Variants in KMT2C observed in about 807,000 individuals in gnomAD.
KMT2C encodes lysine methyltransferase 2C, also known as histone-lysine N-methyltransferase 2C.
In KMT2C, 88 loss-of-function variants were observed where a neutral mutation model predicts 507.9. That is an observed-to-expected ratio of 0.17 (90% confidence interval 0.15 to 0.21). KMT2C has a LOEUF of 0.21. KMT2C is among the 10% of genes least tolerant of loss of function. The pLI is 1.00. For missense variants in KMT2C, 4,954 were observed against 5,957.8 expected (o/e 0.83, Z 5.55); for synonymous variants, 2,049 against 2,080.8 (o/e 0.98, Z 0.42).
chr7:152,266,240 C>T (rs939920149), intron 7 of KMT2C, among the ~76,000 whole-genome samples: 16 of 151,274 alleles, frequency 1.1e-4, no homozygotes, highest in African/African-American at 3.9e-4. Flanking sequence ...AGTATATGAA[C>T]CTTTTTTTTT....
At chr7:152,272,314 C>T (rs1290851446) in intron 7 of KMT2C, among the ~76,000 whole-genome samples, 2 of 152,082 alleles carry the variant, frequency 1.3e-5, no homozygotes, top group African/African-American at 4.8e-5. Context: ...AGTAGCACTG[C>T]CATTAAGTAA....
chr7:152,243,458 CTA>C (rs1191849192), intron 14 of KMT2C, among the ~76,000 whole-genome samples: 5 of 152,048 alleles, frequency 3.3e-5, no homozygotes, highest in African/African-American at 1.2e-4. Flanking sequence ...AATACAGTAC[CTA>C]TGTTTTCATT....
chr7:152,235,975 C>T (rs183436294), intron 15 of KMT2C, 42 bp from the exon 16 acceptor site: 3 of 1,217,822 alleles, frequency 2.5e-6, no homozygotes, highest in Admixed American at 4.0e-5. Flanking sequence ...TGTGACAGAC[C>T]AAAATAATTT....
chr7:152,139,582 G>C, intron 56 of KMT2C, 93 bp downstream of exon 56: 1 of 845,576 alleles, frequency 1.2e-6, no homozygotes, highest in South Asian at 1.4e-5. Context: ...CAGCATGACA[G>C]ATTTCATTCT....
intron 6 of KMT2C, among the ~76,000 whole-genome samples, chr7:152,297,056 AGAGAGAG>A (rs2096517607): frequency 0.012 from 500 of 41,846 alleles, 1 homozygote; most frequent in East Asian, 0.022. Context: ...AAAGAAAGAC[AGAGAGAG>A]AGAGAGAGAG....
chr7:152,297,379 C>T (rs1005287178), intron 6 of KMT2C, among the ~76,000 whole-genome samples: 4 of 152,052 alleles, frequency 2.6e-5, no homozygotes, highest in Admixed American at 2.6e-4. Context: ...AGAAAAGAAC[C>T]CCAGAGGTCT....
intron 23 of KMT2C, among the ~76,000 whole-genome samples, chr7:152,212,781 C>T (rs2094484060): frequency 6.6e-6 from 1 of 152,274 alleles, no homozygotes; most frequent in South Asian, 2.1e-4. Flanking sequence ...TGGCTCACGC[C>T]TGTAATCCCA....
chr7:152,290,931 TGA>T (rs2096416535), intron 6 of KMT2C, among the ~76,000 whole-genome samples: 1 of 152,110 alleles, frequency 6.6e-6, no homozygotes, highest in African/African-American at 2.4e-5. Flanking sequence ...TAAAAGCTTA[TGA>T]GTTCAGGTAG....
chr7:152,389,572 G>C (rs567483488), intron 1 of KMT2C, among the ~76,000 whole-genome samples: 1 of 151,944 alleles, frequency 6.6e-6, no homozygotes, highest in Admixed American at 6.6e-5. Context: ...CTCCCAAGTA[G>C]CTGGGACTAC....
intron 42 of KMT2C, 32 bp downstream of exon 42, chr7:152,167,114 G>A (rs757748718): frequency 6.6e-7 from 1 of 1,503,780 alleles, no homozygotes; most frequent in Non-Finnish European, 9.2e-7. Flanking sequence ...ATTAATTGTT[G>A]GTAGTTTCTA....
chr7:152,396,482 AT>A (rs1169486993), intron 1 of KMT2C, among the ~76,000 whole-genome samples: 3 of 152,148 alleles, frequency 2.0e-5, no homozygotes, highest in Non-Finnish European at 2.9e-5. Flanking sequence ...TTTCATTTTC[AT>A]TGTAATTCTC....
intron 52 of KMT2C, among the ~76,000 whole-genome samples, chr7:152,147,273 G>T (rs1200934042): frequency 6.6e-6 from 1 of 152,010 alleles, no homozygotes; most frequent in Non-Finnish European, 1.5e-5. Flanking sequence ...CAAACTAAGT[G>T]TTTAATTTCC....
intron 1 of KMT2C, among the ~76,000 whole-genome samples, chr7:152,417,256 T>C (rs2097748669): frequency 6.6e-6 from 1 of 152,020 alleles, no homozygotes; most frequent in Non-Finnish European, 1.5e-5. Context: ...GTAGCTGGGA[T>C]TACAGGTGCC....
rs587778498 is a variant in KMT2C, at chr7:152,181,663, C to T, written c.6197G>A (p.Arg2066Gln). The change falls in exon 36 of 59, where the codon CGA becomes CAA. Residue 2066 changes from arginine to glutamine, a missense_variant. Arg to Gln is a conservative substitution (Grantham distance 43). Transcript: ENST00000262189. ...CCTTTCATAAGGGTCAACAGACAAT[C>T]GCCTTGATGCCTGTGACACTGATCC... ...PYGSVSQASR[R>Q]LSVDPYERPA... The T allele has an allele frequency of 2.5e-6, 4 of 1,613,970 alleles. No homozygotes were observed. Among genetic ancestry groups the T allele is most frequent in the South Asian group, 1.1e-5 (1 of 91,064 alleles).
intron 1 of KMT2C, among the ~76,000 whole-genome samples, chr7:152,419,479 CAAATT>C (rs572663081): frequency 7.9e-4 from 120 of 152,126 alleles, no homozygotes; most frequent in African/African-American, 2.8e-3. Flanking sequence ...ATACTACAAA[CAAATT>C]AAAGGAGATC....
chr7:152,301,855 G>A (rs1398305736), intron 6 of KMT2C, among the ~76,000 whole-genome samples: 1 of 152,156 alleles, frequency 6.6e-6, no homozygotes, highest in Non-Finnish European at 1.5e-5. Flanking sequence ...AAAGATTCAA[G>A]TCAGTAACTT....
At chr7:152,274,823 A>G (rs897254261) in intron 6 of KMT2C, among the ~76,000 whole-genome samples, 2 of 152,222 alleles carry the variant, frequency 1.3e-5, no homozygotes, top group African/African-American at 4.8e-5. Flanking sequence ...TCCTAGTCCA[A>G]GATCCTTCAA....
Position 152,177,060 on chromosome 7 carries a change from T to C in KMT2C, c.8393A>G (p.Glu2798Gly). The C allele has an allele frequency of 6.2e-7, 1 of 1,611,970 alleles. No homozygotes were observed. The highest frequency in any genetic ancestry group is 8.5e-7 in the Non-Finnish European group (1 of 1,179,556). The change falls in exon 38 of 59, where the codon GAA (glutamate) becomes GGA (glycine). Residue 2798 changes from glutamate (E) to glycine (G), a missense_variant. Physicochemically the swap from Glu to Gly is moderately conservative, Grantham distance 98 (BLOSUM62 -2). Transcript: ENST00000262189. ...GAGAACCAGAGTTTTGTTTTCTTGT[T>C]CCTTTTTTTTTGGTTCAACAGATAC... The part of the protein sequence containing the change: ...QCVSVEPKKK[E>G]QENKTLVLSD...
At chr7:152,257,971 C>T (rs1254577499) in intron 9 of KMT2C, among the ~76,000 whole-genome samples, 2 of 152,220 alleles carry the variant, frequency 1.3e-5, no homozygotes, top group South Asian at 2.1e-4. Flanking sequence ...ATGTAGCCTG[C>T]GGGTCATGGG....
Sources: allele counts gnomAD v4.1 joint callset (sites outside exome capture counted in the v4.1 genomes callset), GRCh38; gene constraint gnomAD v4.1.1; transcripts MANE v1.5; gene names NCBI Gene and HGNC (gene_info 2026-07-23, HGNC 2026-07-21).